The following COL6A2 variants were observed in gnomAD, a reference collection of about 807,000 sequenced individuals.
COL6A2 encodes the protein collagen type VI alpha 2 chain.
A neutral mutation model predicts 124.9 loss-of-function variants in COL6A2; 90 were observed. The ratio of observed to expected loss-of-function variants is 0.72; its 90% CI spans 0.61 to 0.86. The LOEUF (loss-of-function observed/expected upper bound fraction) is 0.86, where lower values mean the gene tolerates loss of function less well. COL6A2 is among the 40% of genes least tolerant of loss of function. The pLI, the probability that COL6A2 is intolerant of heterozygous loss-of-function variation, is 0.00. For synonymous variants in COL6A2, 793 were observed against 618.2 expected (o/e 1.28, Z -4.19); for missense variants, 1,607 against 1,502.5 (o/e 1.07, Z -1.15).
chr21:46,114,618 AAGT>A (rs1396747422), intron 5 of COL6A2, among the ~76,000 whole-genome samples: 1 of 152,190 alleles, frequency 6.6e-6, no homozygotes, highest in African/African-American at 2.4e-5. Flanking sequence ...ATATTCAAGT[AAGT>A]AAAATGTGAG....
At chr21:46,110,544 G>T (rs946053143) in intron 1 of COL6A2, among the ~76,000 whole-genome samples, 14 of 152,094 alleles carry the variant, frequency 9.2e-5, no homozygotes, top group South Asian at 4.1e-4. Context: ...AGCAGGTCTG[G>T]CCTGGGTCAC....
rs575431188 is a variant in COL6A2 at position 46,102,061 on chromosome 21, C to A, written c.-28+3888C>A. On this transcript the variant is annotated intron_variant, in intron 1 of 27. Coordinates refer to ENST00000300527, the MANE Select transcript of COL6A2 (RefSeq NM_001849.4). ...AACATGAATGTCTTTTTTTAAATGT[C>A]CTCTTCAATTTCTTTCAGAAATGTT... Among the ~76,000 whole-genome samples the A allele has an allele frequency of 2.6e-5, 4 of 151,636 alleles. No individual in the cohort carries two copies. The South Asian group carries it at 6.3e-4, about 24-fold the overall frequency.
chr21:46,112,200 A>G lies in COL6A2; in HGVS notation c.337A>G (p.Ser113Gly), dbSNP rs572271739. 5 of 1,612,920 alleles carry G rather than the reference A, an allele frequency of 3.1e-6. No individual in the cohort carries two copies. The South Asian group carries it at 5.5e-5, about 18-fold the overall frequency. The change falls in exon 3 of 28, where the codon AGC becomes GGC. Residue 113 changes from serine (S) to glycine (G), a missense_variant. Around this residue, in one of 3 missense-constraint regions of COL6A2, gnomAD observed 342 missense variants for 381.5 expected, o/e 0.90. Transcript: ENST00000300527. ...GGTGGAGGTGTTCAGCCCACCGGGC[A>G]GCGACCGGGCCTCCTTCATCAAGAA... ...DQVEVFSPPG[S>G]DRASFIKNLQ...
rs144830948 is a variant in COL6A2 at position 46,132,050 on chromosome 21, G to A, written c.2558G>A (p.Arg853Gln). 2.4e-3 allele frequency: 3,878 copies of A among 1,607,222 alleles called. 21 individuals carry two copies. The highest frequency in any genetic ancestry group is 9.3e-3 in the South Asian group (844 of 90,874). The change falls in exon 28 of 28, where the codon CGG becomes CAG. Residue 853 changes from arginine to glutamine, a missense_variant. Around this residue, in one of 3 missense-constraint regions of COL6A2, gnomAD observed 1,223 missense variants for 1,052.2 expected, o/e 1.16. Transcript: ENST00000300527. ...GGTGAGCAGAACTTCCACAAGGCCCGGCGCTTCGTGGAGCAGGTGGCGCGG... is the reference window on the plus strand; with the variant it reads ...GGTGAGCAGAACTTCCACAAGGCCCAGCGCTTCGTGGAGCAGGTGGCGCGG... ...RLGEQNFHKA[R>Q]RFVEQVARRL...
chr21:46,121,713 C>T, intron 18 of COL6A2, 95 bp downstream of exon 18: 3 of 1,264,360 alleles, frequency 2.4e-6, no homozygotes, highest in South Asian at 2.5e-5. Flanking sequence ...CTGTTGCCGG[C>T]AGACGTGCCT....
chr21:46,116,667 A>T lies in COL6A2; in HGVS notation c.944A>T (p.Asp315Val), dbSNP rs769901264. ...FKGEKGEFGA[D>V]GRKGAPGLAG... ...CCTACACAGGGTGAATTTGGAGCCGACGGTCGCAAGGTAGGCTGGCTGGGT... is the reference window on the plus strand; with the variant it reads ...CCTACACAGGGTGAATTTGGAGCCGTCGGTCGCAAGGTAGGCTGGCTGGGT... The change falls in exon 9 of 28, where the codon GAC becomes GTC. Residue 315 changes from aspartate (D) to valine (V), a missense_variant. This residue lies in a region of COL6A2 where 1,223 missense variants were observed against 1,052.2 expected (regional missense o/e 1.16). Coordinates refer to ENST00000300527, the MANE Select transcript of COL6A2 (RefSeq NM_001849.4). This position sits in a 1 kb window ranked among gnomAD's most constrained non-coding sequence, Gnocchi z 4.6. The T allele has an allele frequency of 6.2e-7, 1 of 1,612,990 alleles. No homozygotes were observed. The highest frequency in any genetic ancestry group is 8.5e-7 in the Non-Finnish European group (1 of 1,180,006).
chr21:46,122,058 G>C, intron 18 of COL6A2, 50 bp from the exon 19 acceptor site: 8 of 1,597,082 alleles, frequency 5.0e-6, no homozygotes, highest in Non-Finnish European at 6.9e-6. Context: ...CAGCCCCCCA[G>C]CCCCACCCCG....
chr21:46,121,179 A>G (rs1876084120), intron 17 of COL6A2, 56 bp downstream of exon 17: 3 of 1,529,590 alleles, frequency 2.0e-6, no homozygotes, highest in Non-Finnish European at 2.7e-6. Flanking sequence ...GGTCTCCCCT[A>G]TCCATGTGGG....
In COL6A2 at chr21:46,116,543, G is replaced by A; in HGVS notation, c.928-108G>A. On this transcript the variant is annotated intron_variant, in intron 8 of 27. Transcript: ENST00000300527. This position sits in a 1 kb window ranked among gnomAD's most constrained non-coding sequence, Gnocchi z 4.6. The stretch of plus-strand genomic sequence containing the variant: ...AGTGGTGGCTTTGGGGGCTCCTGGG[G>A]GGTCCTGTGGCCTTGAGTTTGGCCC... 6.3e-7 allele frequency: 1 copy of A among 1,581,334 alleles called. No individual in the cohort carries two copies. Among genetic ancestry groups the A allele is most frequent in the Non-Finnish European group, 8.7e-7 (1 of 1,154,890 alleles).
intron 25 of COL6A2, 39 bp from the exon 26 acceptor site, chr21:46,125,746 C>T (rs564552623): frequency 2.1e-5 from 33 of 1,605,482 alleles, no homozygotes; most frequent in South Asian, 8.8e-5. Context: ...CCCCAGACCC[C>T]GAGGCCTCTG....
At chr21:46,108,651 C>T (rs1445078829) in intron 1 of COL6A2, among the ~76,000 whole-genome samples, 1 of 151,960 alleles carries the variant, frequency 6.6e-6, no homozygotes, top group Non-Finnish European at 1.5e-5. Flanking sequence ...ATATTTTTTC[C>T]CATTTTATGT....
chr21:46,131,336 G>A (rs1375733191), intron 27 of COL6A2, among the ~76,000 whole-genome samples: 2 of 152,230 alleles, frequency 1.3e-5, no homozygotes, highest in Admixed American at 6.5e-5. Context: ...CACCCAGGCA[G>A]GTGGGGGCCC....
At chr21:46,125,034 GAGGTCAGAGGGCA>G (rs1309598571) in intron 23 of COL6A2, 114 bp downstream of exon 23, 52 of 1,338,762 alleles carry the variant, frequency 3.9e-5, no homozygotes, top group Admixed American at 1.6e-4. Context: ...ATCAGTGGAG[GAGGTCAGAGGGCA>G]AGGTCAGAGA....
At chr21:46,121,033 A>G (rs751706413) in intron 16 of COL6A2, 28 bp from the exon 17 acceptor site, 2 of 1,609,984 alleles carry the variant, frequency 1.2e-6, no homozygotes, top group Admixed American at 1.7e-5. Context: ...CAGTCAAGAG[A>G]ACCCCAAATT....
intron 25 of COL6A2, 69 bp downstream of exon 25, chr21:46,125,686 A>C: frequency 3.1e-6 from 5 of 1,591,778 alleles, no homozygotes; most frequent in Middle Eastern, 1.7e-4. Context: ...ATGAGATGGG[A>C]GAAGTCCAGA....
In COL6A2 at chr21:46,123,664, A is replaced by G. The variant is rs1450405779; in HGVS notation, c.1671+727A>G. On this transcript the variant is annotated intron_variant, in intron 21 of 27. Coordinates refer to ENST00000300527, the MANE Select transcript of COL6A2 (RefSeq NM_001849.4). ...GGATGGATAAGTGGATACATGGGTG[A>G]ATGAGTAGATGTATGGGTGAGTAGG... 7.0e-5 allele frequency among the ~76,000 whole-genome samples: 10 copies of G among 142,720 alleles called. No individual in the cohort carries two copies. In the Admixed American group the frequency reaches 7.1e-4, roughly 10 times the overall value. 93.6% of individuals were successfully genotyped at this position (142,720 alleles called of 152,430 possible). A position where few individuals can be genotyped will look rare whatever the true frequency, so the allele number is the denominator to read the frequency against.
intron 1 of COL6A2, among the ~76,000 whole-genome samples, chr21:46,109,725 T>C (rs959944545): frequency 2.0e-5 from 3 of 151,882 alleles, no homozygotes; most frequent in African/African-American, 7.3e-5. Flanking sequence ...GTGCCCAGGC[T>C]CAGCCCCAAC....
intron 20 of COL6A2, 82 bp from the exon 21 acceptor site, chr21:46,122,793 A>AT: frequency 7.0e-7 from 1 of 1,430,558 alleles, no homozygotes; most frequent in Non-Finnish European, 9.8e-7. Context: ...TGCCAGATCG[A>AT]TTTTTCCACA....
In COL6A2 at chr21:46,112,833, C is replaced by T. The variant is rs377121540; in HGVS notation, c.735+9C>T. ...ACGAAGCCTACGGAGAGGTGAGTGGCGCTTCCCTTCCTGCCAGTGCTGGCC... is the reference window on the plus strand; with the variant it reads ...ACGAAGCCTACGGAGAGGTGAGTGGTGCTTCCCTTCCTGCCAGTGCTGGCC... On this transcript the variant is annotated intron_variant, in intron 4 of 27. Coordinates refer to ENST00000300527, the MANE Select transcript of COL6A2 (RefSeq NM_001849.4). The T allele has an allele frequency of 2.5e-5, 40 of 1,613,446 alleles. No homozygotes were observed. Among genetic ancestry groups the T allele is most frequent in the African/African-American group, 2.0e-4 (15 of 74,934 alleles).
Sources: gnomAD v4.1 joint callset for allele counts (sites outside exome capture counted in the v4.1 genomes callset) on GRCh38, gnomAD v4.1.1 for gene constraint, gnomAD v4.1.1 regional missense constraint, Gnocchi (gnomAD v3.1) non-coding constraint, MANE v1.5 for transcripts, NCBI Gene and HGNC (gene_info 2026-07-23, HGNC 2026-07-21) for gene names.